Variants in TMC1 observed in about 807,000 individuals in gnomAD.
TMC1 encodes the protein transmembrane channel-like protein 1.
A neutral mutation model predicts 105.8 loss-of-function variants in TMC1; 84 were observed. The observed-to-expected ratio is 0.79, with a 90% CI of 0.67 to 0.95. TMC1 has a LOEUF of 0.95. Among genes scored for constraint, TMC1 ranks in the 40% least tolerant of loss-of-function variants. The pLI, the probability that TMC1 is intolerant of heterozygous loss-of-function variation, is 0.00. For missense variants in TMC1, 817 were observed against 914.1 expected (o/e 0.89, Z 1.37); for synonymous variants, 315 against 311.5 (o/e 1.01, Z -0.12).
chr9:72,744,268 T>A (rs893959853), intron 10 of TMC1, among the ~76,000 whole-genome samples: 4 of 152,256 alleles, frequency 2.6e-5, no homozygotes, highest in Non-Finnish European at 2.9e-5. Flanking sequence ...TTTTTTGATG[T>A]AATCTTAATT....
In TMC1 at chr9:72,700,599, C is replaced by A; in HGVS notation, c.318C>A (p.Val106=). 2 of 1,607,974 alleles carry A rather than the reference C, an allele frequency of 1.2e-6. No individual in the cohort carries two copies. Among genetic ancestry groups the A allele is most frequent in the South Asian group, 2.2e-5 (2 of 90,872 alleles). ...LDEKRQIIAT[V]KCKPWKMEKK... is the part of the protein sequence containing the mutation. ...AGAAAAGACAAATAATTGCTACTGTCAAATGCAAACCATGGAAGATGGAGA... is the reference window on the plus strand; with the variant it reads ...AGAAAAGACAAATAATTGCTACTGTAAAATGCAAACCATGGAAGATGGAGA... Residue 106 remains valine, a synonymous_variant, in exon 8 of 24, where the codon GTC becomes GTA. Transcript: ENST00000297784.
chr9:72,681,047 T>C (rs1826278111), intron 5 of TMC1, among the ~76,000 whole-genome samples: 2 of 152,180 alleles, frequency 1.3e-5, no homozygotes, highest in Admixed American at 6.6e-5. Flanking sequence ...AACCCAAGGA[T>C]ATAAGCACAG....
At chr9:72,568,356 C>A (rs1173678793) in intron 1 of TMC1, among the ~76,000 whole-genome samples, 3 of 152,098 alleles carry the variant, frequency 2.0e-5, no homozygotes, top group Non-Finnish European at 4.4e-5. Flanking sequence ...CTAAATTCTC[C>A]ATTTTTCAAT....
intron 8 of TMC1, among the ~76,000 whole-genome samples, chr9:72,710,731 G>A (rs1167980395): frequency 1.3e-5 from 2 of 152,114 alleles, no homozygotes; most frequent in Admixed American, 6.6e-5. Context: ...CTTTATGTGA[G>A]TCCTTATGTG....
chr9:72,665,827 G>A (rs1002002171), intron 5 of TMC1, among the ~76,000 whole-genome samples: 47 of 152,222 alleles, frequency 3.1e-4, no homozygotes, highest in Admixed American at 9.2e-4. Flanking sequence ...GGCTGTAGAT[G>A]TATGCACTAC....
chr9:72,786,776 A>G (rs1828174490), intron 13 of TMC1, among the ~76,000 whole-genome samples: 1 of 152,048 alleles, frequency 6.6e-6, no homozygotes. Context: ...CCCACATGTT[A>G]GATGTTCCCA....
At chr9:72,571,844 C>CT (rs879682027) in intron 1 of TMC1, among the ~76,000 whole-genome samples, 38 of 142,094 alleles carry the variant, frequency 2.7e-4, no homozygotes, top group South Asian at 4.5e-4. Flanking sequence ...AGATTGCTTA[C>CT]TTTTTTTTTT....
At chr9:72,577,683 T>G (rs779597097) in intron 1 of TMC1, 1 of 148,106 alleles carries the variant, frequency 6.8e-6, no homozygotes, top group Non-Finnish European at 1.5e-5. Flanking sequence ...TGACTCAGTG[T>G]TTTTTTTTTA....
intron 18 of TMC1, among the ~76,000 whole-genome samples, chr9:72,814,896 TTGTGTGTGTGTGTG>T (rs57564294): frequency 0.098 from 11,639 of 119,274 alleles, 581 homozygotes; most frequent in Non-Finnish European, 0.14. Flanking sequence ...TGGATCATCT[TTGTGTGTGTGTGTG>T]TGTGTGTGTG....
intron 20 of TMC1, 93 bp from the exon 21 acceptor site, chr9:72,826,776 A>G (rs1329427192): frequency 1.5e-6 from 2 of 1,342,064 alleles, no homozygotes; most frequent in African/African-American, 1.4e-5. Flanking sequence ...GGACCTAAGC[A>G]GTAATTGAGA....
At position 72,742,626 on chromosome 9, in the gene TMC1, A is replaced by G. The variant is rs7848136; in HGVS notation, c.535+101A>G. ...CAGTTTCTGGACTTTTGGGAAGACTAGAAACAAACAAACAAACAAACAAAA... is the reference window on the plus strand; with the variant it reads ...CAGTTTCTGGACTTTTGGGAAGACTGGAAACAAACAAACAAACAAACAAAA... On this transcript the variant is annotated intron_variant, in intron 10 of 23. Transcript: ENST00000297784. 201,382 of 972,810 alleles carry G rather than the reference A, an allele frequency of 0.21. 23,878 individuals are homozygous for G. The highest frequency in any genetic ancestry group is 0.39 in the East Asian group (15,683 of 39,710). 60.3% of individuals were successfully genotyped at this position (972,810 alleles called of 1,614,324 possible).
At chr9:72,700,757 CACAT>C (rs1367996073) in intron 8 of TMC1, 114 bp downstream of exon 8, 32 of 169,106 alleles carry the variant, frequency 1.9e-4, no homozygotes, top group African/African-American at 1.3e-3. Flanking sequence ...CACACACACA[CACAT>C]ACACACACAC....
chr9:72,630,434 C>A (rs2132134996), intron 4 of TMC1, among the ~76,000 whole-genome samples: 2 of 152,194 alleles, frequency 1.3e-5, no homozygotes, highest in South Asian at 4.1e-4. Context: ...AATGTTTATG[C>A]CCTTTGATTC....
intron 3 of TMC1, among the ~76,000 whole-genome samples, chr9:72,624,960 C>T (rs890156371): frequency 1.2e-4 from 19 of 152,156 alleles, no homozygotes; most frequent in African/African-American, 3.6e-4. Context: ...ATGGATCATG[C>T]GTTCAGTATT....
rs537718428 is a variant in TMC1 at position 72,771,380 on chromosome 9, A to G, written c.742-1033A>G. On this transcript the variant is annotated intron_variant, in intron 12 of 23. Coordinates refer to ENST00000297784, the MANE Select transcript of TMC1 (RefSeq NM_138691.3). Reference sequence around the variant, plus strand: ...ACTTCTCTTAATTCTTCCTCTAGGAATTAGCATCTACGACATTTCTACTTT... The same window carrying G: ...ACTTCTCTTAATTCTTCCTCTAGGAGTTAGCATCTACGACATTTCTACTTT... Among the ~76,000 whole-genome samples, 18 of 152,302 alleles carry G rather than the reference A, an allele frequency of 1.2e-4. No homozygotes were observed. In the South Asian group the frequency reaches 3.5e-3, roughly 30 times the overall value.
intron 3 of TMC1, among the ~76,000 whole-genome samples, chr9:72,623,147 G>GTTTTTT (rs1162181237): frequency 1.8e-5 from 2 of 113,716 alleles, no homozygotes; most frequent in African/African-American, 3.4e-5. Flanking sequence ...CTCTCTCCCT[G>GTTTTTT]TTTTTTTTTT....
intron 2 of TMC1, among the ~76,000 whole-genome samples, chr9:72,599,872 A>C (rs1008125562): frequency 4.6e-5 from 7 of 152,208 alleles, no homozygotes; most frequent in Admixed American, 1.3e-4. Flanking sequence ...GCTGTCAGTA[A>C]AAGTTAAGCA....
At chr9:72,775,008 T>C (rs1295719473) in intron 13 of TMC1, among the ~76,000 whole-genome samples, 1 of 152,156 alleles carries the variant, frequency 6.6e-6, no homozygotes, top group Non-Finnish European at 1.5e-5. Context: ...ATCCACAAAA[T>C]GGGAGCAAAT....
At chr9:72,765,057 C>G (rs116221668) in intron 12 of TMC1, among the ~76,000 whole-genome samples, 1 of 152,126 alleles carries the variant, frequency 6.6e-6, no homozygotes, top group East Asian at 1.9e-4. Context: ...AAAGAAGAGG[C>G]AGATGGGCAA....
Sources: allele counts gnomAD v4.1 joint callset (sites outside exome capture counted in the v4.1 genomes callset), GRCh38; gene constraint gnomAD v4.1.1; transcripts MANE v1.5; gene names NCBI Gene and HGNC (gene_info 2026-07-23, HGNC 2026-07-21).